The following PHF14 variants were observed in gnomAD, a reference collection of about 807,000 sequenced individuals.
PHF14 encodes PHD finger protein 14.
Under a neutral mutation model 117.9 loss-of-function variants are expected in PHF14, and 55 were observed. The observed-to-expected ratio is 0.47, with a 90% CI of 0.38 to 0.58. The LOEUF is 0.58. Among genes scored for constraint, PHF14 ranks in the 20% least tolerant of loss-of-function variants. The pLI is 0.00. For missense variants in PHF14, 978 were observed against 1,122.2 expected, an observed-to-expected ratio of 0.87 and a Z score of 1.84; for synonymous variants, 409 against 368.6, an observed-to-expected ratio of 1.11 and a Z score of -1.26.
intron 17 of PHF14, among the ~76,000 whole-genome samples, chr7:11,122,331 T>TTTTA (rs1236770638): frequency 3.6e-5 from 3 of 84,054 alleles, no homozygotes; most frequent in Non-Finnish European, 2.2e-5. Flanking sequence ...TTTGTACTTT[T>TTTTA]TATATATATA....
chr7:10,976,183 C>G (rs1781857232), intron 2 of PHF14, among the ~76,000 whole-genome samples: 1 of 152,120 alleles, frequency 6.6e-6, no homozygotes, highest in African/African-American at 2.4e-5. Flanking sequence ...CAGAAACTGA[C>G]TATTTGGTTA....
Position 10,974,168 on chromosome 7 carries a change from A to C in PHF14, c.-156A>C. 7 of 642,242 alleles carry C rather than the reference A, an allele frequency of 1.1e-5. No homozygotes were observed. Among genetic ancestry groups the C allele is most frequent in the Admixed American group, 2.2e-5 (1 of 45,036 alleles). 39.8% of individuals were successfully genotyped at this position (642,242 alleles called of 1,614,324 possible). A position where few individuals can be genotyped will look rare whatever the true frequency, so the allele number is the denominator to read the frequency against. On this transcript the variant is annotated 5_prime_UTR_variant, in exon 1 of 18. Coordinates refer to ENST00000634607, the MANE Select transcript of PHF14 (RefSeq NM_001007157.2). Reference sequence around the variant, plus strand: ...CGGGGGGTTAGGGGACCGCGGGGCTACTCTTGGGAGCGCCCCTGTCCGGCT... The same window carrying C: ...CGGGGGGTTAGGGGACCGCGGGGCTCCTCTTGGGAGCGCCCCTGTCCGGCT...
chr7:11,149,197 A>G (rs886678701), intron 17 of PHF14, among the ~76,000 whole-genome samples: 15 of 99,700 alleles, frequency 1.5e-4, no homozygotes, highest in Admixed American at 2.2e-4. Flanking sequence ...AGGCCATCAC[A>G]GTTGTTTTAA....
chr7:11,021,670 T>C (rs1272898489), intron 5 of PHF14, among the ~76,000 whole-genome samples: 2 of 152,122 alleles, frequency 1.3e-5, no homozygotes. Flanking sequence ...ACAAATTAAA[T>C]TGAGAAAGCA....
rs368723287 is a variant in PHF14, at chr7:11,140,102, A to G, written c.2772+28635A>G. ...TACATACACCTCTATACACATTTCT[A>G]TACATGACTACACATCCTTCTATAT... On this transcript the variant is annotated intron_variant, in intron 17 of 17. Transcript: ENST00000634607. 2.5e-4 allele frequency among the ~76,000 whole-genome samples: 38 copies of G among 152,226 alleles called. No homozygotes were observed. In the South Asian group the frequency reaches 4.8e-3, roughly 19 times the overall value.
chr7:11,152,619 T>A (rs1290308353), intron 17 of PHF14, among the ~76,000 whole-genome samples: 1 of 152,064 alleles, frequency 6.6e-6, no homozygotes, highest in Non-Finnish European at 1.5e-5. Flanking sequence ...TACAATATGA[T>A]AGGAATAAGA....
intron 4 of PHF14, among the ~76,000 whole-genome samples, 182 bp from the exon 5 acceptor site, chr7:11,013,565 A>G (rs1029209393): frequency 6.6e-6 from 1 of 152,200 alleles, no homozygotes; most frequent in Non-Finnish European, 1.5e-5. Context: ...TTCATTGTGT[A>G]TACTACATTA....
At chr7:11,029,200 G>A (rs902335801) in intron 7 of PHF14, among the ~76,000 whole-genome samples, 5 of 152,070 alleles carry the variant, frequency 3.3e-5, no homozygotes, top group East Asian at 1.9e-4. Flanking sequence ...AATCATTACT[G>A]TGTCTTTAGT....
chr7:11,111,639 A>T (rs557549787), intron 17 of PHF14, among the ~76,000 whole-genome samples, 172 bp downstream of exon 17: 1 of 152,266 alleles, frequency 6.6e-6, no homozygotes, highest in African/African-American at 2.4e-5. Flanking sequence ...AAATTAAGGA[A>T]AAAACAACTC....
chr7:11,051,123 CT>C (rs1002509211), intron 13 of PHF14, among the ~76,000 whole-genome samples: 1 of 152,108 alleles, frequency 6.6e-6, no homozygotes, highest in African/African-American at 2.4e-5. Context: ...TCACTGCAGC[CT>C]CCACCTCCTG....
chr7:11,092,576 A>G (rs1044203341), intron 16 of PHF14, among the ~76,000 whole-genome samples: 1 of 152,200 alleles, frequency 6.6e-6, no homozygotes, highest in African/African-American at 2.4e-5. Flanking sequence ...TAGGTGAACA[A>G]TTTAGCAATA....
chr7:11,001,685 T>G (rs542741818), intron 4 of PHF14, among the ~76,000 whole-genome samples: 1 of 152,326 alleles, frequency 6.6e-6, no homozygotes, highest in Admixed American at 6.5e-5. Flanking sequence ...ATTGCTTTCA[T>G]AAGAAAGCAA....
chr7:10,985,108 A>AT (rs1782170036), intron 3 of PHF14, among the ~76,000 whole-genome samples: 1 of 152,238 alleles, frequency 6.6e-6, no homozygotes, highest in Admixed American at 6.5e-5. Context: ...TTACATTTTA[A>AT]TTAAAAAACT....
chr7:11,150,471 T>C (rs921568436), intron 17 of PHF14, among the ~76,000 whole-genome samples: 1 of 152,082 alleles, frequency 6.6e-6, no homozygotes, highest in African/African-American at 2.4e-5. Flanking sequence ...TGGCACATTA[T>C]AAGAATTCAC....
chr7:11,067,661 T>C (rs143096826), intron 16 of PHF14, among the ~76,000 whole-genome samples: 322 of 152,262 alleles, frequency 2.1e-3, no homozygotes, highest in African/African-American at 7.2e-3. Flanking sequence ...GGGTGGATAA[T>C]TGATAAAGAA....
At chr7:11,076,047 G>A (rs1785838276) in intron 16 of PHF14, among the ~76,000 whole-genome samples, 1 of 152,200 alleles carries the variant, frequency 6.6e-6, no homozygotes, top group African/African-American at 2.4e-5. Context: ...GCTGAGGCAG[G>A]AGAATGGTGT....
chr7:11,031,897 T>G (rs1039708980), intron 7 of PHF14, among the ~76,000 whole-genome samples: 5 of 152,226 alleles, frequency 3.3e-5, no homozygotes, highest in African/African-American at 1.2e-4. Context: ...GTTTCTTCTG[T>G]AATTAAAGTA....
At chr7:11,092,853 C>T (rs1471629375) in intron 16 of PHF14, among the ~76,000 whole-genome samples, 2 of 152,154 alleles carry the variant, frequency 1.3e-5, no homozygotes, top group African/African-American at 4.8e-5. Context: ...TGCTGATAAA[C>T]TCAGAATTAT....
intron 16 of PHF14, chr7:11,103,830 A>C: frequency 1.0e-6 from 1 of 981,994 alleles, no homozygotes; most frequent in East Asian, 1.1e-4. Flanking sequence ...TGTGTATGAA[A>C]TTACATATAA....
Sources: allele counts gnomAD v4.1 joint callset (sites outside exome capture counted in the v4.1 genomes callset), GRCh38; gene constraint gnomAD v4.1.1; transcripts MANE v1.5; gene names NCBI Gene and HGNC (gene_info 2026-07-23, HGNC 2026-07-21).